Variants in TRPM6 observed in about 807,000 individuals in gnomAD.
TRPM6 encodes the protein channel kinase 2.
In TRPM6, 111 loss-of-function variants were observed where a neutral mutation model predicts 247.6. That is an observed-to-expected ratio of 0.45 (90% CI 0.38 to 0.52). The LOEUF (loss-of-function observed/expected upper bound fraction) is 0.52, where lower values mean the gene tolerates loss of function less well. TRPM6 is among the 20% of genes least tolerant of loss of function. The pLI is 0.00. For missense variants in TRPM6, 2,126 were observed against 2,421.5 expected (o/e 0.88, Z 2.56); for synonymous variants, 892 against 853.8 (o/e 1.04, Z -0.78).
At chr9:74,862,585 C>A (rs1173560207) in intron 1 of TRPM6, among the ~76,000 whole-genome samples, 1 of 152,096 alleles carries the variant, frequency 6.6e-6, no homozygotes, top group Non-Finnish European at 1.5e-5. Flanking sequence ...AGTGAGATAC[C>A]TTGGGGAGGG....
rs539703770 is a variant in TRPM6, at chr9:74,799,936, G to A, written c.2238+318C>T. 312 of 390,390 alleles carry A rather than the reference G, an allele frequency of 8.0e-4. 1 individual carries two copies. Among genetic ancestry groups the A allele is most frequent in the African/African-American group, 6.2e-3 (300 of 48,714 alleles). 24.2% of individuals were successfully genotyped at this position (390,390 alleles called of 1,614,324 possible). A position where few individuals can be genotyped will look rare whatever the true frequency, so the allele number is the denominator to read the frequency against. On this transcript the variant is annotated intron_variant, in intron 17 of 38. Coordinates refer to ENST00000360774, the MANE Select transcript of TRPM6 (RefSeq NM_017662.5). ...TGGCTGTGACATCTGTCACCCCATT[G>A]ATCGCCAGGGTTGATTCAGCTGATC...
chr9:74,744,253 C>T, intron 31 of TRPM6, 108 bp from the exon 32 acceptor site: 1 of 1,227,408 alleles, frequency 8.1e-7, no homozygotes, highest in Non-Finnish European at 1.2e-6. Context: ...ATCAGAATGG[C>T]TTCTCAGTAT....
intron 16 of TRPM6, among the ~76,000 whole-genome samples, chr9:74,800,909 T>TTTG (rs1564020972): frequency 6.6e-6 from 1 of 151,234 alleles, no homozygotes; most frequent in African/African-American, 2.4e-5. Flanking sequence ...AGTGTGTTTT[T>TTTG]TTTTTTTTTT....
chr9:74,792,637 A>C lies in TRPM6; in HGVS notation c.2525T>G (p.Phe842Cys), dbSNP rs748494349. The stretch of plus-strand genomic sequence containing the variant: ...AATGAGACCAACCGTATAAAACCAA[A>C]ACTTGACAATTGGAGCACTGTAGAA... ...YEFYSAPIVKFWFYTMAYLAF... is the reference protein window; with the variant it reads ...YEFYSAPIVKCWFYTMAYLAF... Residue 842 changes from phenylalanine to cysteine, a missense_variant, in exon 19 of 39, where the codon TTT (phenylalanine) becomes TGT (cysteine). Around this residue, in one of 3 missense-constraint regions of TRPM6, gnomAD observed 1,082 missense variants for 1,307.9 expected, o/e 0.83. Transcript: ENST00000360774. The C allele has an allele frequency of 1.1e-5, 18 of 1,614,030 alleles. No homozygotes were observed. In the South Asian group the frequency reaches 1.9e-4, roughly 17 times the overall value.
At chr9:74,756,171 C>T (rs768811090) in intron 27 of TRPM6, among the ~76,000 whole-genome samples, 7 of 152,130 alleles carry the variant, frequency 4.6e-5, no homozygotes, top group Non-Finnish European at 8.8e-5. Context: ...TACTTAAGTG[C>T]ATATTTCTTG....
At chr9:74,866,766 C>A (rs1830858987) in intron 1 of TRPM6, among the ~76,000 whole-genome samples, 1 of 152,180 alleles carries the variant, frequency 6.6e-6, no homozygotes, top group African/African-American at 2.4e-5. Context: ...CAGGCGTGAG[C>A]CACCGCATCC....
intron 1 of TRPM6, chr9:74,887,323 C>T (rs1831567933): frequency 7.2e-7 from 1 of 1,385,694 alleles, no homozygotes; most frequent in Non-Finnish European, 9.3e-7. Context: ...GCCGTCTGGG[C>T]ACTTCTCCAG....
intron 12 of TRPM6, 84 bp from the exon 13 acceptor site, chr9:74,810,952 T>A: frequency 9.7e-7 from 1 of 1,033,514 alleles, no homozygotes; most frequent in Non-Finnish European, 1.5e-6. Flanking sequence ...AATGCATAAG[T>A]AACTGAGAAT....
intron 1 of TRPM6, among the ~76,000 whole-genome samples, chr9:74,876,929 C>T (rs555882689): frequency 3.3e-5 from 5 of 152,224 alleles, no homozygotes; most frequent in African/African-American, 1.2e-4. Flanking sequence ...AAAATAAGTG[C>T]CACACAAAGG....
chr9:74,823,681 T>A (rs1829212813), intron 7 of TRPM6, among the ~76,000 whole-genome samples: 1 of 152,178 alleles, frequency 6.6e-6, no homozygotes, highest in Non-Finnish European at 1.5e-5. Flanking sequence ...AAAAATAGTA[T>A]AAGGCACAAA....
rs762889978 is a variant in TRPM6 at position 74,762,799 on chromosome 9, T to C, written c.3872A>G (p.His1291Arg). The change falls in exon 26 of 39, where the codon CAT becomes CGT. Residue 1291 changes from histidine (H) to arginine (R), a missense_variant. His to Arg is a conservative substitution (Grantham distance 29). This residue lies in a region of TRPM6 where 717 missense variants were observed against 715.9 expected (regional missense o/e 1.00). Coordinates refer to ENST00000360774, the MANE Select transcript of TRPM6 (RefSeq NM_017662.5). Reference sequence around the variant, plus strand: ...TGCCCCCCTCTGCACTCTTGGGGGATGCCGGCCTCCAGCCAGGCTCCTCAG... The same window carrying C: ...TGCCCCCCTCTGCACTCTTGGGGGACGCCGGCCTCCAGCCAGGCTCCTCAG... ...SLLRSLAGGR[H>R]PPRVQRGALL... The C allele has an allele frequency of 1.2e-6, 2 of 1,614,208 alleles. No individual in the cohort carries two copies. The highest frequency in any genetic ancestry group is 8.5e-7 in the Non-Finnish European group (1 of 1,180,040).
At chr9:74,793,769 G>A (rs1827986856) in intron 18 of TRPM6, among the ~76,000 whole-genome samples, 1 of 152,186 alleles carries the variant, frequency 6.6e-6, no homozygotes, top group African/African-American at 2.4e-5. Context: ...AGCTTCCAGA[G>A]TTCCTTGAAC....
At chr9:74,772,687 G>A (rs1564007014) in intron 24 of TRPM6, among the ~76,000 whole-genome samples, 1 of 152,052 alleles carries the variant, frequency 6.6e-6, no homozygotes, top group Admixed American at 6.6e-5. Context: ...ATTTTGAAAT[G>A]TATAATCAAT....
intron 38 of TRPM6, among the ~76,000 whole-genome samples, chr9:74,725,572 G>A (rs892950097): frequency 6.6e-5 from 10 of 152,128 alleles, no homozygotes; most frequent in Non-Finnish European, 1.0e-4. Flanking sequence ...AATTATGGGG[G>A]TGGATCTTTC....
chr9:74,856,384 A>C lies in TRPM6; in HGVS notation c.114-819T>G, dbSNP rs537137903. ...GAGTCCAGGAGGTCGAGGCTTCAGT[A>C]AGCCAAGATCATGCCACTGTACTGC... On this transcript the variant is annotated intron_variant, in intron 2 of 38. Coordinates refer to ENST00000360774, the MANE Select transcript of TRPM6 (RefSeq NM_017662.5). Among the ~76,000 whole-genome samples the C allele has an allele frequency of 2.1e-3, 316 of 152,124 alleles. 3 individuals are homozygous for C. The highest frequency in any genetic ancestry group is 3.3e-3 in the Non-Finnish European group (222 of 67,988).
chr9:74,803,715 T>C, intron 15 of TRPM6, 79 bp downstream of exon 15: 1 of 1,027,766 alleles, frequency 9.7e-7, no homozygotes, highest in Non-Finnish European at 1.5e-6. Flanking sequence ...GCACCTCCCT[T>C]TCTTTGATGT....
intron 1 of TRPM6, among the ~76,000 whole-genome samples, chr9:74,870,463 G>C (rs1830985227): frequency 6.6e-6 from 1 of 152,082 alleles, no homozygotes; most frequent in South Asian, 2.1e-4. Context: ...AAAAAAGAAA[G>C]GGAGGAAAAA....
chr9:74,834,266 G>A (rs1159814480), intron 5 of TRPM6, 144 bp from the exon 6 acceptor site: 12 of 914,108 alleles, frequency 1.3e-5, no homozygotes, highest in Non-Finnish European at 5.2e-6. Context: ...ATTAGTTTCT[G>A]ATACCTTGGC....
At chr9:74,810,704 A>C in intron 13 of TRPM6, 111 bp downstream of exon 13, 1 of 919,444 alleles carries the variant, frequency 1.1e-6, no homozygotes. Context: ...AAGATAGGTA[A>C]TTAACAAAAC....
Sources: allele counts gnomAD v4.1 joint callset (sites outside exome capture counted in the v4.1 genomes callset), GRCh38; gene constraint gnomAD v4.1.1; regional missense constraint gnomAD v4.1.1; transcripts MANE v1.5; gene names NCBI Gene and HGNC (gene_info 2026-07-23, HGNC 2026-07-21).